The following LRRTM3 variants were observed in gnomAD, a reference collection of about 807,000 sequenced individuals.
LRRTM3 encodes the protein leucine rich repeat transmembrane neuronal 3.
A neutral mutation model predicts 44.7 loss-of-function variants in LRRTM3; 24 were observed. That is an observed-to-expected ratio of 0.54 (90% CI 0.39 to 0.76). LRRTM3 has a LOEUF of 0.76. Among genes scored for constraint, LRRTM3 ranks in the 30% least tolerant of loss-of-function variants. The probability of loss-of-function intolerance (pLI) is 0.00; values close to 1 mark genes in which losing one functional copy is unlikely to be tolerated. For synonymous variants in LRRTM3, 277 were observed against 278.7 expected, an observed-to-expected ratio of 0.99 and a Z score of 0.06; for missense variants, 587 against 702.2, an observed-to-expected ratio of 0.84 and a Z score of 1.85.
chr10:67,034,651 C>T (rs1853931826), intron 2 of LRRTM3, among the ~76,000 whole-genome samples: 1 of 152,182 alleles, frequency 6.6e-6, no homozygotes, highest in South Asian at 2.1e-4. Flanking sequence ...GTGTTCTGTT[C>T]TCCTTACACC....
At chr10:67,029,472 C>T (rs1200652525) in intron 2 of LRRTM3, among the ~76,000 whole-genome samples, 1 of 152,102 alleles carries the variant, frequency 6.6e-6, no homozygotes, top group Non-Finnish European at 1.5e-5. Flanking sequence ...TTAGGAAAAG[C>T]ATGATAACCG....
chr10:67,042,474 T>C (rs1450126964), intron 2 of LRRTM3, among the ~76,000 whole-genome samples: 1 of 152,142 alleles, frequency 6.6e-6, no homozygotes, highest in Non-Finnish European at 1.5e-5. Flanking sequence ...GATTTTTAGA[T>C]CTGGAGCTCA....
intron 2 of LRRTM3, among the ~76,000 whole-genome samples, chr10:66,961,244 C>T (rs969331606): frequency 6.6e-6 from 1 of 151,982 alleles, no homozygotes; most frequent in African/African-American, 2.4e-5. Flanking sequence ...AGTCTCTGAT[C>T]TCCAGTTCAT....
intron 2 of LRRTM3, among the ~76,000 whole-genome samples, chr10:67,056,672 C>A (rs1300258215): frequency 1.3e-5 from 2 of 152,102 alleles, no homozygotes; most frequent in Non-Finnish European, 2.9e-5. Context: ...ACCCAACAGT[C>A]CTCCACCCAC....
chr10:67,050,735 C>T (rs976734024), intron 2 of LRRTM3, among the ~76,000 whole-genome samples: 1 of 152,176 alleles, frequency 6.6e-6, no homozygotes, highest in Non-Finnish European at 1.5e-5. Context: ...GAAATGACCA[C>T]TCGCATCAAA....
At chr10:67,013,060 T>C (rs1332705249) in intron 2 of LRRTM3, 1 of 152,180 alleles carries the variant, frequency 6.6e-6, no homozygotes, top group African/African-American at 2.4e-5. Flanking sequence ...TTATACATAT[T>C]ATTATATTAC....
chr10:67,024,102 C>G (rs1318772286), intron 2 of LRRTM3, among the ~76,000 whole-genome samples: 1 of 152,192 alleles, frequency 6.6e-6, no homozygotes, highest in Non-Finnish European at 1.5e-5. Flanking sequence ...AAAGTCAAGT[C>G]AGCAGGACTG....
intron 2 of LRRTM3, among the ~76,000 whole-genome samples, chr10:67,024,338 C>T (rs932883908): frequency 8.5e-5 from 13 of 152,216 alleles, no homozygotes; most frequent in Non-Finnish European, 1.6e-4. Context: ...CATGACCTTC[C>T]TGCCTCCCTC....
At chr10:66,972,874 C>A (rs10997460) in intron 2 of LRRTM3, among the ~76,000 whole-genome samples, 2 of 151,632 alleles carry the variant, frequency 1.3e-5, no homozygotes, top group East Asian at 3.9e-4. Flanking sequence ...CCACGCCTGG[C>A]TAATTGTCTG....
At chr10:67,035,714 C>T (rs1488330228) in intron 2 of LRRTM3, among the ~76,000 whole-genome samples, 5 of 152,118 alleles carry the variant, frequency 3.3e-5, no homozygotes, top group African/African-American at 1.2e-4. Flanking sequence ...AGACCTGAAC[C>T]ACATCAGCTG....
At chr10:67,054,000 C>T (rs575037129) in intron 2 of LRRTM3, among the ~76,000 whole-genome samples, 19 of 152,254 alleles carry the variant, frequency 1.2e-4, no homozygotes, top group African/African-American at 3.9e-4. Flanking sequence ...CTCCCCTACA[C>T]GATATCTCTA....
chr10:67,082,266 G>A (rs73256502), intron 2 of LRRTM3, among the ~76,000 whole-genome samples: 2,951 of 152,264 alleles, frequency 0.019, 79 homozygotes, highest in African/African-American at 0.06. Flanking sequence ...TTTAACCGCT[G>A]CTTGCTCCCT....
At chr10:66,960,054 A>T (rs989596044) in intron 2 of LRRTM3, among the ~76,000 whole-genome samples, 2 of 151,814 alleles carry the variant, frequency 1.3e-5, no homozygotes, top group African/African-American at 4.8e-5. Flanking sequence ...TCCCATGTTG[A>T]CCCTCATAGC....
chr10:66,928,221 G>T lies in LRRTM3; in HGVS notation c.1305G>T (p.Leu435=). Residue 435 remains leucine, a synonymous_variant, in exon 2 of 3, where the codon CTG becomes CTT. Transcript: ENST00000361320. ...TTTTCCTGTCCGTGCTCGTCATCCT[G>T]CTGGTTATCTACGTGTCATGGAAGC... ...VALFLSVLVI[L]LVIYVSWKRY... is the part of the protein sequence containing the mutation. 1 of 1,614,156 alleles carries T rather than the reference G, an allele frequency of 6.2e-7. No homozygotes were observed.
Position 67,024,910 on chromosome 10 carries a change from C to G in LRRTM3, c.1537-72677C>G, listed in dbSNP as rs146968305. On this transcript the variant is annotated intron_variant, in intron 2 of 2. Transcript: ENST00000361320. ...CTTTAGGGGGCCAAGGCGGGCGGAT[C>G]ACCTGAGGTCCGGAGTTTGAGACCA... is the stretch of plus-strand genomic sequence containing the variant. Among the ~76,000 whole-genome samples, 139 of 152,054 alleles carry G rather than the reference C, an allele frequency of 9.1e-4. 3 individuals are homozygous for G. Among genetic ancestry groups the G allele is most frequent in the African/African-American group, 3.2e-3 (134 of 41,500 alleles).
At chr10:66,963,174 T>C (rs1849213475) in intron 2 of LRRTM3, among the ~76,000 whole-genome samples, 1 of 152,164 alleles carries the variant, frequency 6.6e-6, no homozygotes, top group African/African-American at 2.4e-5. Flanking sequence ...AGAAATACTG[T>C]AAAAACTAAC....
intron 2 of LRRTM3, among the ~76,000 whole-genome samples, chr10:66,931,002 G>A (rs531113693): frequency 6.0e-4 from 91 of 151,946 alleles, no homozygotes; most frequent in African/African-American, 2.0e-3. Context: ...ATTTTAAAAC[G>A]CCAACTGCCA....
At chr10:66,990,829 G>C (rs1850999811) in intron 2 of LRRTM3, among the ~76,000 whole-genome samples, 1 of 152,066 alleles carries the variant, frequency 6.6e-6, no homozygotes, top group Non-Finnish European at 1.5e-5. Flanking sequence ...TCCTATTCAA[G>C]GAAGTAAAAT....
intron 2 of LRRTM3, among the ~76,000 whole-genome samples, chr10:66,941,034 C>G (rs1309874394): frequency 6.6e-6 from 1 of 152,080 alleles, no homozygotes; most frequent in African/African-American, 2.4e-5. Context: ...AAAAAGAAAG[C>G]CCAACATACT....
Sources: gnomAD v4.1 joint callset for allele counts (sites outside exome capture counted in the v4.1 genomes callset) on GRCh38, gnomAD v4.1.1 for gene constraint, MANE v1.5 for transcripts, NCBI Gene and HGNC (gene_info 2026-07-23, HGNC 2026-07-21) for gene names.